The following STXBP4 variants were observed in gnomAD, a reference collection of about 807,000 sequenced individuals.
STXBP4 encodes syntaxin-binding protein 4.
A neutral mutation model predicts 76.1 loss-of-function variants in STXBP4; 55 were observed. The observed-to-expected ratio is 0.72, with a 90% CI of 0.58 to 0.91. The LOEUF (loss-of-function observed/expected upper bound fraction) is 0.91. Ranked by LOEUF, STXBP4 falls within the 40% of genes least tolerant of loss-of-function variation. The pLI is 0.00. For missense variants in STXBP4, 618 were observed against 636.9 expected (o/e 0.97, Z 0.32); for synonymous variants, 201 against 220.2 (o/e 0.91, Z 0.77).
chr17:55,141,017 C>T (rs1403781497), intron 16 of STXBP4, among the ~76,000 whole-genome samples: 3 of 152,146 alleles, frequency 2.0e-5, no homozygotes, highest in Non-Finnish European at 4.4e-5. Flanking sequence ...CACTGCAACA[C>T]AAATTTTTGC....
chr17:54,980,397 T>C (rs1457342529), intron 1 of STXBP4, among the ~76,000 whole-genome samples: 1 of 152,232 alleles, frequency 6.6e-6, no homozygotes, highest in Non-Finnish European at 1.5e-5. Flanking sequence ...GTCCAGGTTC[T>C]TGGCAATTTG....
chr17:54,990,964 A>G lies in STXBP4; in HGVS notation c.180+7A>G, dbSNP rs770179833. The stretch of plus-strand genomic sequence containing the variant: ...TGGAGGAGACTGTTATAAGGTAAAA[A>G]TATGTCCCATGCCCACCAAAAATAC... On this transcript the variant is annotated splice_region_variant and intron_variant, in intron 4 of 17. Coordinates refer to ENST00000376352, the MANE Select transcript of STXBP4 (RefSeq NM_178509.6). The G allele has an allele frequency of 2.6e-6, 4 of 1,544,200 alleles. No homozygotes were observed. The highest frequency in any genetic ancestry group is 3.5e-6 in the Non-Finnish European group (4 of 1,152,790).
intron 15 of STXBP4, among the ~76,000 whole-genome samples, chr17:55,080,007 A>C (rs2079236502): frequency 6.6e-6 from 1 of 152,196 alleles, no homozygotes; most frequent in African/African-American, 2.4e-5. Flanking sequence ...TACTCTCAGT[A>C]AGGATCTTAA....
chr17:55,005,577 G>T (rs1008785916), intron 7 of STXBP4, among the ~76,000 whole-genome samples: 5 of 152,200 alleles, frequency 3.3e-5, no homozygotes, highest in African/African-American at 1.2e-4. Flanking sequence ...ATTCCTCAGT[G>T]TGTCAGTGTT....
At chr17:55,066,808 C>G (rs114425364) in intron 12 of STXBP4, among the ~76,000 whole-genome samples, 313 of 152,160 alleles carry the variant, frequency 2.1e-3, no homozygotes, top group African/African-American at 7.1e-3. Context: ...TCACCTTGAA[C>G]CTGGGAGGCG....
At chr17:55,203,472 G>A in the STXBP4 span, among the ~76,000 whole-genome samples, 1 of 152,084 alleles carries the variant, frequency 6.6e-6, no homozygotes, top group Non-Finnish European at 1.5e-5. Context: ...GGATGGTAGG[G>A]GATCTAAGGT....
intron 16 of STXBP4, among the ~76,000 whole-genome samples, chr17:55,092,964 A>C (rs916532761): frequency 2.9e-5 from 4 of 138,684 alleles, no homozygotes; most frequent in Non-Finnish European, 6.3e-5. Context: ...ACAAAAAAAC[A>C]TTTTTTTTGT....
intron 16 of STXBP4, among the ~76,000 whole-genome samples, chr17:55,128,047 G>T (rs545208127): frequency 4.0e-4 from 61 of 152,184 alleles, no homozygotes; most frequent in African/African-American, 1.4e-3. Context: ...AATAACAGTT[G>T]TACAAATATT....
At chr17:55,113,880 A>C (rs2079751448) in intron 16 of STXBP4, among the ~76,000 whole-genome samples, 1 of 152,098 alleles carries the variant, frequency 6.6e-6, no homozygotes, top group Non-Finnish European at 1.5e-5. Flanking sequence ...GGCTAACAGC[A>C]TGGGCTCAAG....
Position 55,000,838 on chromosome 17 carries a change from A to T in STXBP4, c.529A>T (p.Ile177Phe). The T allele has an allele frequency of 6.2e-7, 1 of 1,611,020 alleles. No individual in the cohort carries two copies. The highest frequency in any genetic ancestry group is 8.5e-7 in the Non-Finnish European group (1 of 1,177,598). Residue 177 changes from isoleucine to phenylalanine, a missense_variant, in exon 7 of 18, where the codon ATT becomes TTT. Coordinates refer to ENST00000376352, the MANE Select transcript of STXBP4 (RefSeq NM_178509.6). ...AACTGGATACAACAAAACAGTACAG[A>T]TTCCAATTACTTCAGAAAACAGTAC... The part of the protein sequence containing the change: ...IKTGYNKTVQ[I>F]PITSENSTVG...
At chr17:55,029,934 C>T (rs560438808) in intron 8 of STXBP4, among the ~76,000 whole-genome samples, 21 of 152,002 alleles carry the variant, frequency 1.4e-4, no homozygotes, top group Non-Finnish European at 1.3e-4. Context: ...AATGATTGAA[C>T]GAGATTCTAA....
At chr17:55,069,905 C>G (rs73323268) in intron 12 of STXBP4, among the ~76,000 whole-genome samples, 2,469 of 151,560 alleles carry the variant, frequency 0.016, 68 homozygotes, top group African/African-American at 0.057. Context: ...TTCTTCATTG[C>G]AGCTATGGAG....
At chr17:54,994,775 A>G (rs981709337) in intron 4 of STXBP4, among the ~76,000 whole-genome samples, 17 of 148,270 alleles carry the variant, frequency 1.1e-4, no homozygotes, top group African/African-American at 4.2e-4. Context: ...CCAGAGTAGC[A>G]TTTTCTCAGT....
At chr17:55,093,797 T>G (rs2079447987) in intron 16 of STXBP4, among the ~76,000 whole-genome samples, 1 of 152,186 alleles carries the variant, frequency 6.6e-6, no homozygotes, top group African/African-American at 2.4e-5. Context: ...ATTATTTCCT[T>G]CCTTCCAGAA....
intron 16 of STXBP4, among the ~76,000 whole-genome samples, chr17:55,109,226 GAT>G (rs1388495336): frequency 6.6e-6 from 1 of 152,060 alleles, no homozygotes; most frequent in Non-Finnish European, 1.5e-5. Flanking sequence ...ACACTTTTGA[GAT>G]ATTGATTTTT....
At chr17:55,101,927 CTG>C (rs1193006519) in intron 16 of STXBP4, among the ~76,000 whole-genome samples, 1 of 151,474 alleles carries the variant, frequency 6.6e-6, no homozygotes, top group Non-Finnish European at 1.5e-5. Context: ...TTTGTTATGT[CTG>C]TGTTCTCTAT....
chr17:55,169,995 A>G lies in STXBP4; in HGVS notation c.*10084A>G, dbSNP rs888591459. 3.3e-5 allele frequency: 5 copies of G among 152,232 alleles called. No individual in the cohort carries two copies. Among genetic ancestry groups the G allele is most frequent in the African/African-American group, 1.2e-4 (5 of 41,470 alleles). The allele number at this position is 152,232 out of a possible 1,614,324, so 9.4% of individuals were successfully genotyped here. On this transcript the variant is annotated 3_prime_UTR_variant, in exon 18 of 18. Coordinates refer to ENST00000376352, the MANE Select transcript of STXBP4 (RefSeq NM_178509.6). The stretch of plus-strand genomic sequence containing the variant: ...GAATTATTGATTAATTATTTAAGAT[A>G]CAATAAAACCAAAGTATTTTTAAAA...
At chr17:55,116,165 A>T (rs2079778448) in intron 16 of STXBP4, among the ~76,000 whole-genome samples, 1 of 151,806 alleles carries the variant, frequency 6.6e-6, no homozygotes, top group Non-Finnish European at 1.5e-5. Context: ...TACTCAAAGG[A>T]AATATCGCCA....
At chr17:55,213,212 A>G in the STXBP4 span, among the ~76,000 whole-genome samples, 3 of 152,162 alleles carry the variant, frequency 2.0e-5, no homozygotes, top group Admixed American at 6.6e-5. Context: ...GCTATCTGGC[A>G]GCACAAGAAG....
Sources: gnomAD v4.1 joint callset for allele counts (sites outside exome capture counted in the v4.1 genomes callset) on GRCh38, gnomAD v4.1.1 for gene constraint, MANE v1.5 for transcripts, NCBI Gene and HGNC (gene_info 2026-07-23, HGNC 2026-07-21) for gene names.